The following LRFN2 variants were observed in gnomAD, a reference collection of about 807,000 sequenced individuals.
LRFN2 encodes leucine rich repeat and fibronectin type III domain containing 2, also known as leucine-rich repeat and fibronectin type-III domain-containing protein 2.
In LRFN2, 18 loss-of-function variants were observed where a neutral mutation model predicts 37.3. The ratio of observed to expected loss-of-function variants is 0.48; its 90% CI spans 0.33 to 0.72. The LOEUF is 0.72. Among genes scored for constraint, LRFN2 ranks in the 30% least tolerant of loss-of-function variants. LRFN2 has a pLI of 0.02. For synonymous variants in LRFN2, 556 were observed against 466.6 expected, an observed-to-expected ratio of 1.19 and a Z score of -2.47; for missense variants, 1,006 against 1,060.7, an observed-to-expected ratio of 0.95 and a Z score of 0.72.
chr6:40,554,333 T>C (rs1038928989), intron 1 of LRFN2, among the ~76,000 whole-genome samples: 1 of 152,154 alleles, frequency 6.6e-6, no homozygotes, highest in Admixed American at 6.6e-5. Flanking sequence ...CTTCTCTCGT[T>C]GGGCCTCCTA....
At chr6:40,577,257 A>G (rs1383428352) in intron 1 of LRFN2, among the ~76,000 whole-genome samples, 1 of 151,876 alleles carries the variant, frequency 6.6e-6, no homozygotes, top group Non-Finnish European at 1.5e-5. Context: ...ACGCGCGGCC[A>G]TGTCCAGCTA....
intron 2 of LRFN2, among the ~76,000 whole-genome samples, chr6:40,396,522 G>A (rs2113793151): frequency 6.6e-6 from 1 of 152,328 alleles, no homozygotes; most frequent in Admixed American, 6.5e-5. Flanking sequence ...TGATGGAGGT[G>A]TAACAAGGCA....
intron 1 of LRFN2, among the ~76,000 whole-genome samples, chr6:40,444,998 C>G (rs1763935416): frequency 6.6e-6 from 1 of 152,066 alleles, no homozygotes; most frequent in Non-Finnish European, 1.5e-5. Context: ...TTCCTGCACC[C>G]CCTCCACCTC....
chr6:40,426,276 G>T (rs1010420538), intron 2 of LRFN2, among the ~76,000 whole-genome samples: 1 of 152,258 alleles, frequency 6.6e-6, no homozygotes, highest in Non-Finnish European at 1.5e-5. Flanking sequence ...CTGCCTGAAA[G>T]TCAGACTGCC....
intron 2 of LRFN2, among the ~76,000 whole-genome samples, chr6:40,394,082 T>C (rs988685064): frequency 6.6e-6 from 1 of 152,244 alleles, no homozygotes; most frequent in Middle Eastern, 3.4e-3. Flanking sequence ...GTTTCTTTAG[T>C]AGAAGACTTT....
At chr6:40,533,004 G>A (rs1398395146) in intron 1 of LRFN2, among the ~76,000 whole-genome samples, 6 of 152,214 alleles carry the variant, frequency 3.9e-5, no homozygotes. Flanking sequence ...ACGGCCAACT[G>A]TAAGGTGTTA....
At chr6:40,435,052 T>TATAGAGAGAGAGAG (rs1482968698) in intron 1 of LRFN2, among the ~76,000 whole-genome samples, 5 of 37,536 alleles carry the variant, frequency 1.3e-4, no homozygotes, top group African/African-American at 1.9e-4. Context: ...TATATATATA[T>TATAGAGAGAGAGAG]AGAGAGAGAG....
At position 40,499,316 on chromosome 6, in the gene LRFN2, C is replaced by A. The variant is rs544446972; in HGVS notation, c.-18-66185G>T. Among the ~76,000 whole-genome samples the A allele has an allele frequency of 2.6e-5, 4 of 152,282 alleles. No individual in the cohort carries two copies. The South Asian group carries it at 8.3e-4, about 32-fold the overall frequency. ...CAGGTTCCCCACTGTCAGGACGGGG[C>A]CAAGCACAGACCCAGTGGCCGGGGA... On this transcript the variant is annotated intron_variant, in intron 1 of 2. Transcript: ENST00000338305.
chr6:40,492,567 A>G (rs998791100), intron 1 of LRFN2, among the ~76,000 whole-genome samples: 1 of 152,206 alleles, frequency 6.6e-6, no homozygotes, highest in Non-Finnish European at 1.5e-5. Context: ...CTTTAGAGCC[A>G]CTTACTGAGG....
intron 1 of LRFN2, among the ~76,000 whole-genome samples, chr6:40,489,148 CCCTG>C (rs1265043617): frequency 2.0e-5 from 3 of 152,164 alleles, no homozygotes; most frequent in Non-Finnish European, 4.4e-5. Flanking sequence ...GCACACCCCA[CCCTG>C]CCTGCCTCCA....
rs1475953599 is a variant in LRFN2 at position 40,396,718 on chromosome 6, G to GTT, written c.1401-3807_1401-3806insAA. Reference sequence around the variant, plus strand: ...TGTGTGTGTGTGTGTGTGTGTGTGTGTGTGTGTGTGTGTATGTGTGCGTGT... The same window carrying GTT: ...TGTGTGTGTGTGTGTGTGTGTGTGTGTTTGTGTGTGTGTGTATGTGTGCGTGT... On this transcript the variant is annotated intron_variant, in intron 2 of 2. Coordinates refer to ENST00000338305, the MANE Select transcript of LRFN2 (RefSeq NM_020737.3). Among the ~76,000 whole-genome samples, 8 of 130,724 alleles carry GTT rather than the reference G, an allele frequency of 6.1e-5. 1 individual carries two copies. The highest frequency in any genetic ancestry group is 2.1e-4 in the African/African-American group (8 of 37,744). 85.8% of individuals were successfully genotyped at this position (130,724 alleles called of 152,430 possible). A position where few individuals can be genotyped will look rare whatever the true frequency, so the allele number is the denominator to read the frequency against.
rs930798092 is a variant in LRFN2, at chr6:40,573,954, T to G, written c.-19+12987A>C. Among the ~76,000 whole-genome samples the G allele has an allele frequency of 2.6e-5, 4 of 152,210 alleles. No individual in the cohort carries two copies. The South Asian group carries it at 8.3e-4, about 32-fold the overall frequency. On this transcript the variant is annotated intron_variant, in intron 1 of 2. Transcript: ENST00000338305. ...GCAGCCTGGGCAACAAGAACGAAAC[T>G]TGTGTCAAAAACAAAACAAACAAAC...
chr6:40,477,816 C>T (rs1764741671), intron 1 of LRFN2, among the ~76,000 whole-genome samples: 1 of 152,168 alleles, frequency 6.6e-6, no homozygotes, highest in African/African-American at 2.4e-5. Flanking sequence ...AGCTCTTTAG[C>T]GCCATGGTGG....
intron 1 of LRFN2, among the ~76,000 whole-genome samples, chr6:40,462,527 C>T (rs142112385): frequency 9.2e-5 from 14 of 152,178 alleles, no homozygotes; most frequent in Non-Finnish European, 1.5e-4. Flanking sequence ...TCCCTCATTC[C>T]AAGAATTTTT....
At chr6:40,586,511 G>A (rs1052662181) in intron 1 of LRFN2, among the ~76,000 whole-genome samples, 1 of 152,026 alleles carries the variant, frequency 6.6e-6, no homozygotes, top group Non-Finnish European at 1.5e-5. Context: ...AGTCCACAGA[G>A]CTCAGGGAGT....
At chr6:40,433,549 A>ATGGATGG in intron 1 of LRFN2, among the ~76,000 whole-genome samples, 1 of 152,262 alleles carries the variant, frequency 6.6e-6, no homozygotes, top group South Asian at 2.1e-4. Flanking sequence ...TGGATGGATG[A>ATGGATGG]ATGCGATACC....
chr6:40,533,999 C>T (rs1446331203), intron 1 of LRFN2, among the ~76,000 whole-genome samples: 3 of 152,204 alleles, frequency 2.0e-5, no homozygotes, highest in Non-Finnish European at 4.4e-5. Flanking sequence ...ATTTAATTCT[C>T]ATGTCATAGG....
intron 1 of LRFN2, among the ~76,000 whole-genome samples, chr6:40,486,003 A>C (rs1036772288): frequency 6.6e-6 from 1 of 152,254 alleles, no homozygotes; most frequent in Non-Finnish European, 1.5e-5. Flanking sequence ...TGGAGAACTC[A>C]GAGGTGGCAG....
intron 1 of LRFN2, among the ~76,000 whole-genome samples, chr6:40,555,398 T>C (rs1359057292): frequency 2.0e-5 from 3 of 152,120 alleles, no homozygotes; most frequent in Non-Finnish European, 4.4e-5. Context: ...CCTCCACAAG[T>C]GAGACTACGC....
Sources: allele counts gnomAD v4.1 joint callset (sites outside exome capture counted in the v4.1 genomes callset), GRCh38; gene constraint gnomAD v4.1.1; transcripts MANE v1.5; gene names NCBI Gene and HGNC (gene_info 2026-07-23, HGNC 2026-07-21).